Variants in DOCK1 observed in about 807,000 individuals in gnomAD.
DOCK1 encodes dedicator of cytokinesis 1, also known as dedicator of cytokinesis protein 1.
In DOCK1, 138 loss-of-function variants were observed where a neutral mutation model predicts 262.7. That is an observed-to-expected ratio of 0.53 (90% CI 0.46 to 0.61). The LOEUF (loss-of-function observed/expected upper bound fraction) is 0.61. Among genes scored for constraint, DOCK1 ranks in the 20% least tolerant of loss-of-function variants. The pLI is 0.00. For synonymous variants in DOCK1, 866 were observed against 867.4 expected (o/e 1.00, Z 0.03); for missense variants, 1,908 against 2,370.7 (o/e 0.80, Z 4.05).
intron 47 of DOCK1, among the ~76,000 whole-genome samples, chr10:127,428,203 A>T (rs983750935): frequency 2.0e-5 from 3 of 152,216 alleles, no homozygotes; most frequent in African/African-American, 7.2e-5. Context: ...AAATCTTGAC[A>T]TTTTCTTCCT....
chr10:127,186,954 A>G (rs1311264798), intron 27 of DOCK1, among the ~76,000 whole-genome samples: 3 of 152,176 alleles, frequency 2.0e-5, no homozygotes, highest in Non-Finnish European at 2.9e-5. Context: ...TCCTTGAATC[A>G]GGCACATAGA....
At chr10:127,214,295 C>T (rs113400374) in intron 27 of DOCK1, among the ~76,000 whole-genome samples, 1 of 152,194 alleles carries the variant, frequency 6.6e-6, no homozygotes, top group African/African-American at 2.4e-5. Flanking sequence ...ACGTCTTCTT[C>T]TTTGTGATGT....
At chr10:127,260,983 ACCCGTGCTCATGTGTGTG>A in intron 29 of DOCK1, among the ~76,000 whole-genome samples, 1 of 14,396 alleles carries the variant, frequency 6.9e-5, no homozygotes, top group Non-Finnish European at 1.6e-4. Flanking sequence ...GTGTGTGTGT[ACCCGTGCTCATGTGTGTG>A]TACCTGCATG....
chr10:127,164,997 T>C (rs1454847497), intron 27 of DOCK1, among the ~76,000 whole-genome samples: 3 of 152,210 alleles, frequency 2.0e-5, no homozygotes, highest in Non-Finnish European at 4.4e-5. Context: ...TAAGCTATAA[T>C]TTATTGAAAA....
intron 32 of DOCK1, among the ~76,000 whole-genome samples, chr10:127,361,345 A>G (rs1273928535): frequency 6.6e-6 from 1 of 151,956 alleles, no homozygotes. Flanking sequence ...CGATCTCCTG[A>G]CCTCGTGATC....
intron 27 of DOCK1, among the ~76,000 whole-genome samples, chr10:127,162,706 T>C: frequency 6.6e-6 from 1 of 152,198 alleles, no homozygotes; most frequent in East Asian, 1.9e-4. Flanking sequence ...TTCTACTTAG[T>C]GTTCTAATCA....
chr10:127,228,457 A>G (rs947146374), intron 27 of DOCK1, among the ~76,000 whole-genome samples: 13 of 152,204 alleles, frequency 8.5e-5, no homozygotes, highest in South Asian at 4.1e-4. Context: ...GCCTGTTTGC[A>G]AAATGAGGAT....
At chr10:127,380,790 C>T (rs1235635697) in intron 36 of DOCK1, among the ~76,000 whole-genome samples, 2 of 152,134 alleles carry the variant, frequency 1.3e-5, no homozygotes, top group Non-Finnish European at 2.9e-5. Context: ...GGGTGATTGT[C>T]TAATTTTCTA....
At chr10:127,019,054 T>G in intron 13 of DOCK1, 1 of 610,024 alleles carries the variant, frequency 1.6e-6, no homozygotes. Flanking sequence ...GGATCAGCTC[T>G]CCCCAGCTGC....
intron 43 of DOCK1, among the ~76,000 whole-genome samples, chr10:127,411,337 CG>C (rs954814803): frequency 2.0e-5 from 3 of 152,038 alleles, no homozygotes; most frequent in African/African-American, 4.8e-5. Flanking sequence ...GATCTGGACC[CG>C]GGTGCTCATT....
chr10:127,247,008 C>T (rs950797277), intron 27 of DOCK1, among the ~76,000 whole-genome samples: 1 of 152,116 alleles, frequency 6.6e-6, no homozygotes, highest in African/African-American at 2.4e-5. Context: ...TATTTAAAAG[C>T]AAGGAAGGCT....
At chr10:126,957,048 G>A (rs1182535425) in intron 1 of DOCK1, among the ~76,000 whole-genome samples, 18 of 152,214 alleles carry the variant, frequency 1.2e-4, no homozygotes, top group Non-Finnish European at 2.5e-4. Flanking sequence ...ACGGGGGAAA[G>A]CGGGGAAGGG....
intron 10 of DOCK1, among the ~76,000 whole-genome samples, chr10:127,007,791 T>C (rs1190747925): frequency 6.6e-6 from 1 of 152,224 alleles, no homozygotes; most frequent in Non-Finnish European, 1.5e-5. Context: ...TTTCTCGCTG[T>C]AGACTTTGAG....
chr10:127,104,848 A>G (rs1371219665), intron 23 of DOCK1, among the ~76,000 whole-genome samples: 1 of 152,186 alleles, frequency 6.6e-6, no homozygotes, highest in Non-Finnish European at 1.5e-5. Flanking sequence ...TTAGTTCAGT[A>G]CTAGCTTTGT....
At chr10:127,266,473 G>A (rs978082551) in intron 29 of DOCK1, among the ~76,000 whole-genome samples, 2 of 105,118 alleles carry the variant, frequency 1.9e-5, no homozygotes, top group African/African-American at 3.5e-5. Context: ...AACTAGCTAA[G>A]TACCAAAACA....
rs1457821485 is a variant in DOCK1, at chr10:127,093,249, T to C, written c.2446-12982T>C. ...TTTCTTTCTTTCTTTCTTCTTTTTT[T>C]TTTTTTTTTTTTTGGAGACAGGGTC... On this transcript the variant is annotated intron_variant, in intron 23 of 51. Transcript: ENST00000623213. 1.8e-3 allele frequency among the ~76,000 whole-genome samples: 228 copies of C among 129,064 alleles called. 1 individual carries two copies. The highest frequency in any genetic ancestry group is 6.4e-3 in the African/African-American group (207 of 32,422). The allele number at this position is 129,064 out of a possible 152,430, so 84.7% of individuals were successfully genotyped here.
intron 29 of DOCK1, among the ~76,000 whole-genome samples, chr10:127,337,031 T>C (rs767888826): frequency 6.6e-6 from 1 of 151,892 alleles, no homozygotes; most frequent in Non-Finnish European, 1.5e-5. Context: ...AGTGTCTTCT[T>C]AAAGCTCATA....
intron 27 of DOCK1, among the ~76,000 whole-genome samples, chr10:127,145,667 TG>T (rs1472193518): frequency 1.3e-5 from 2 of 152,162 alleles, no homozygotes; most frequent in African/African-American, 4.8e-5. Context: ...TCTAGAGACA[TG>T]GGTGACGTCC....
chr10:126,977,432 G>A (rs1414425386), intron 2 of DOCK1, among the ~76,000 whole-genome samples: 1 of 152,154 alleles, frequency 6.6e-6, no homozygotes, highest in African/African-American at 2.4e-5. Context: ...CTGTATTGTT[G>A]CTACAGAAGT....
Sources: allele counts gnomAD v4.1 joint callset (sites outside exome capture counted in the v4.1 genomes callset), GRCh38; gene constraint gnomAD v4.1.1; transcripts MANE v1.5; gene names NCBI Gene and HGNC (gene_info 2026-07-23, HGNC 2026-07-21).